Variants in ERBB4 observed in about 807,000 individuals in gnomAD.
ERBB4 encodes receptor tyrosine-protein kinase erbB-4.
A neutral mutation model predicts 158.0 loss-of-function variants in ERBB4; 42 were observed. The ratio of observed to expected loss-of-function variants is 0.27; its 90% CI spans 0.21 to 0.34. The LOEUF (loss-of-function observed/expected upper bound fraction) is 0.34. ERBB4 is among the 10% of genes least tolerant of loss of function. The pLI is 1.00. For missense variants in ERBB4, 1,333 were observed against 1,624.1 expected (o/e 0.82, Z 3.08); for synonymous variants, 583 against 558.7 (o/e 1.04, Z -0.61).
At chr2:212,520,089 T>C (rs1692070440) in intron 1 of ERBB4, among the ~76,000 whole-genome samples, 1 of 151,944 alleles carries the variant, frequency 6.6e-6, no homozygotes, top group Non-Finnish European at 1.5e-5. Context: ...CAGGATACCT[T>C]AATTGGAAAA....
At chr2:211,402,648 A>C (rs12992515) in intron 25 of ERBB4, among the ~76,000 whole-genome samples, 41,589 of 151,682 alleles carry the variant, frequency 0.27, 5,851 homozygotes, top group East Asian at 0.39. Context: ...TCAAGAGAAG[A>C]GAGCAAAAAC....
intron 1 of ERBB4, among the ~76,000 whole-genome samples, chr2:212,484,550 A>T (rs1022936836): frequency 1.3e-5 from 2 of 152,242 alleles, no homozygotes; most frequent in African/African-American, 4.8e-5. Context: ...CCACAGAGAA[A>T]ATCATTTTTA....
intron 1 of ERBB4, among the ~76,000 whole-genome samples, chr2:212,419,268 C>T (rs2091735620): frequency 6.6e-6 from 1 of 151,862 alleles, no homozygotes. Flanking sequence ...ACACTACATG[C>T]TGTAACATGT....
intron 27 of ERBB4, among the ~76,000 whole-genome samples, chr2:211,384,599 A>G (rs2062645684): frequency 6.6e-6 from 1 of 152,152 alleles, no homozygotes; most frequent in South Asian, 2.1e-4. Context: ...GATGCTTCTG[A>G]AAAAGGTTTT....
chr2:212,216,520 T>C (rs2083104771), intron 1 of ERBB4, among the ~76,000 whole-genome samples: 2 of 151,522 alleles, frequency 1.3e-5, no homozygotes, highest in South Asian at 4.1e-4. Context: ...AAAAATCAAT[T>C]AATGTAACCT....
At chr2:211,595,032 T>C (rs2068589589) in intron 19 of ERBB4, among the ~76,000 whole-genome samples, 1 of 152,222 alleles carries the variant, frequency 6.6e-6, no homozygotes, top group African/African-American at 2.4e-5. Context: ...TTTTTGTCTT[T>C]ACATATACCT....
chr2:212,320,500 G>A lies in ERBB4; in HGVS notation c.83-195597C>T, dbSNP rs552737782. Among the ~76,000 whole-genome samples, 43 of 105,728 alleles carry A rather than the reference G, an allele frequency of 4.1e-4. 2 individuals are homozygous for A. The South Asian group carries it at 0.015, about 37-fold the overall frequency. 69.4% of individuals were successfully genotyped at this position (105,728 alleles called of 152,430 possible). ...CTCACTAACAGGACTAAAGGAAAAT[G>A]TATTTACATGACAGAAAAAAAAAAA... On this transcript the variant is annotated intron_variant, in intron 1 of 27. Coordinates refer to ENST00000342788, the MANE Select transcript of ERBB4 (RefSeq NM_005235.3).
intron 2 of ERBB4, among the ~76,000 whole-genome samples, chr2:212,107,640 CA>C (rs1410597554): frequency 2.0e-5 from 3 of 152,042 alleles, no homozygotes; most frequent in Non-Finnish European, 4.4e-5. Context: ...TGGGAGGGGC[CA>C]GGGGCAGAAT....
chr2:211,751,147 A>G (rs1377155265), intron 4 of ERBB4, among the ~76,000 whole-genome samples: 2 of 152,246 alleles, frequency 1.3e-5, no homozygotes, highest in Non-Finnish European at 2.9e-5. Flanking sequence ...GAACAAGAAT[A>G]TATTTTTACA....
chr2:212,145,369 A>T (rs1228709778), intron 1 of ERBB4, among the ~76,000 whole-genome samples: 1 of 152,092 alleles, frequency 6.6e-6, no homozygotes, highest in Non-Finnish European at 1.5e-5. Flanking sequence ...ATATTCCCCA[A>T]TGACTAGTAT....
At chr2:212,068,867 G>A (rs13390631) in intron 2 of ERBB4, among the ~76,000 whole-genome samples, 4,843 of 152,136 alleles carry the variant, frequency 0.032, 108 homozygotes, top group Non-Finnish European at 0.052. Flanking sequence ...ATAGCAATTG[G>A]TAAATAAGGA....
In ERBB4 at chr2:212,505,641, T is replaced by C. The variant is rs568542663; in HGVS notation, c.82+32808A>G. Among the ~76,000 whole-genome samples the C allele has an allele frequency of 1.7e-4, 26 of 149,082 alleles. 1 individual carries two copies. The highest frequency in any genetic ancestry group is 6.3e-4 in the African/African-American group (26 of 41,384). ...CAGTGAGAAACCTTGACGGATGATA[T>C]AATGTCTCCTACAGGGACAAACAGC... On this transcript the variant is annotated intron_variant, in intron 1 of 27. Transcript: ENST00000342788.
At chr2:212,073,812 A>T (rs187672872) in intron 2 of ERBB4, among the ~76,000 whole-genome samples, 30 of 151,970 alleles carry the variant, frequency 2.0e-4, no homozygotes, top group Admixed American at 6.6e-4. Context: ...AAGCATGATT[A>T]TTTTTTTACA....
At chr2:211,685,670 T>C (rs994647194) in intron 12 of ERBB4, among the ~76,000 whole-genome samples, 2 of 152,196 alleles carry the variant, frequency 1.3e-5, no homozygotes, top group African/African-American at 4.8e-5. Flanking sequence ...CTTTTTGATA[T>C]TTTGATAAGA....
intron 20 of ERBB4, among the ~76,000 whole-genome samples, chr2:211,503,307 G>C (rs899370088): frequency 2.0e-5 from 3 of 152,106 alleles, no homozygotes; most frequent in Non-Finnish European, 2.9e-5. Context: ...AGCTCCTGCT[G>C]TCTGCCGAGC....
intron 1 of ERBB4, among the ~76,000 whole-genome samples, chr2:212,515,165 C>G (rs1691751734): frequency 6.6e-6 from 1 of 152,124 alleles, no homozygotes; most frequent in Non-Finnish European, 1.5e-5. Flanking sequence ...AGTGCTTTGA[C>G]TACACAGAAC....
At chr2:211,562,618 T>A (rs2067429721) in intron 19 of ERBB4, among the ~76,000 whole-genome samples, 1 of 152,110 alleles carries the variant, frequency 6.6e-6, no homozygotes, top group South Asian at 2.1e-4. Flanking sequence ...TATTGTCAAT[T>A]TATATAAAAT....
intron 20 of ERBB4, among the ~76,000 whole-genome samples, chr2:211,484,596 AT>A (rs1392646576): frequency 6.6e-6 from 1 of 152,208 alleles, no homozygotes; most frequent in Non-Finnish European, 1.5e-5. Context: ...AGAGCAAAAA[AT>A]ATTACCATGA....
chr2:211,464,741 T>C (rs1408850324), intron 20 of ERBB4, among the ~76,000 whole-genome samples: 3 of 152,108 alleles, frequency 2.0e-5, no homozygotes, highest in African/African-American at 2.4e-5. Flanking sequence ...TGAGCAAGTT[T>C]ATACTCATCA....
Sources: allele counts gnomAD v4.1 joint callset (sites outside exome capture counted in the v4.1 genomes callset), GRCh38; gene constraint gnomAD v4.1.1; transcripts MANE v1.5; gene names NCBI Gene and HGNC (gene_info 2026-07-23, HGNC 2026-07-21).